RRN3: variants seen among roughly 807,000 people sequenced by gnomAD.
The protein encoded by RRN3 is RNA polymerase I transcription factor RRN3, also known as RNA polymerase I-specific transcription initiation factor RRN3.
Under a neutral mutation model 82.3 loss-of-function variants are expected in RRN3, and 38 were observed. The ratio of observed to expected loss-of-function variants is 0.46; its 90% CI spans 0.36 to 0.61. RRN3 has a LOEUF of 0.61. RRN3 is among the 20% of genes least tolerant of loss of function. RRN3 has a pLI of 0.00. For missense variants in RRN3, 726 were observed against 793.1 expected (o/e 0.92, Z 1.02); for synonymous variants, 284 against 284.3 (o/e 1.00, Z 0.01).
At position 15,076,658 on chromosome 16, in the gene RRN3, A is replaced by G. The variant is rs778571478; in HGVS notation, c.766-8T>C. 1.9e-6 allele frequency: 3 copies of G among 1,561,128 alleles called. No individual in the cohort carries two copies. Among genetic ancestry groups the G allele is most frequent in the African/African-American group, 2.7e-5 (2 of 73,612 alleles). Reference sequence around the variant, plus strand: ...CTGCCGGGATGCATTCACCTATAACAAAGGGAGAAAAAAAAAGAATAAAAG... The same window carrying G: ...CTGCCGGGATGCATTCACCTATAACGAAGGGAGAAAAAAAAAGAATAAAAG... On this transcript the variant is annotated splice_region_variant and splice_polypyrimidine_tract_variant and intron_variant, in intron 9 of 17. Transcript: ENST00000198767.
chr16:15,061,838 C>G lies in RRN3; in HGVS notation c.1862G>C (p.Gly621Ala). ...GEVPQNDTVI[G>A]ITPSSFDTHF... ...CGTGTCAAAGGAGCTTGGTGTGATC[C>G]CAATCACGGTATCATTCTGGGGCAC... Residue 621 changes from glycine (G) to alanine (A), a missense_variant, in exon 18 of 18, where the codon GGG (glycine) becomes GCG (alanine). Around this residue, in one of 4 missense-constraint regions of RRN3, gnomAD observed 166 missense variants for 154.8 expected, o/e 1.07. Transcript: ENST00000198767. 2 of 1,614,092 alleles carry G rather than the reference C, an allele frequency of 1.2e-6. No individual in the cohort carries two copies. Among genetic ancestry groups the G allele is most frequent in the Non-Finnish European group, 1.7e-6 (2 of 1,179,924 alleles).
At position 15,068,169 on chromosome 16, in the gene RRN3, T is replaced by C; in HGVS notation, c.1553A>G (p.Asn518Ser). The C allele has an allele frequency of 6.4e-7, 1 of 1,565,962 alleles. No homozygotes were observed. The highest frequency in any genetic ancestry group is 8.7e-7 in the Non-Finnish European group (1 of 1,152,192). ...CATCAAGAAAGCGTAAATAACTTAC[T>C]TTGTGATTGCAGCAAAAAAGTTAAC... ...SVVNFFAAIT[N>S]KYQLVFCYTI... is the part of the protein sequence containing the mutation. Residue 518 changes from asparagine (N) to serine (S), a missense_variant and splice_region_variant, in exon 15 of 18, where the codon AAT (asparagine) becomes AGT (serine). This residue lies in a region of RRN3 where 81 missense variants were observed against 156.4 expected (regional missense o/e 0.52). Coordinates refer to ENST00000198767, the MANE Select transcript of RRN3 (RefSeq NM_018427.5).
At chr16:15,094,061 T>G in intron 1 of RRN3, 84 bp downstream of exon 1, 1 of 1,244,568 alleles carries the variant, frequency 8.0e-7, no homozygotes, top group Non-Finnish European at 1.2e-6. Flanking sequence ...ATGAGCTTTG[T>G]CCCACATCCT....
Position 15,061,899 on chromosome 16 carries a change from C to G in RRN3, c.1801G>C (p.Val601Leu), listed in dbSNP as rs2044728959. ...EFKKPMKKDIVEDEDDDFLKG... is the reference protein window; with the variant it reads ...EFKKPMKKDILEDEDDDFLKG... ...AGAAAGTCATCATCTTCATCTTCCA[C>G]TATGTCCTGCAGAAACATCAGAAAT... Residue 601 changes from valine to leucine, a missense_variant, in exon 18 of 18, where the codon GTG (valine) becomes CTG (leucine). Around this residue, in one of 4 missense-constraint regions of RRN3, gnomAD observed 166 missense variants for 154.8 expected, o/e 1.07. Coordinates refer to ENST00000198767, the MANE Select transcript of RRN3 (RefSeq NM_018427.5). 6.2e-7 allele frequency: 1 copy of G among 1,611,090 alleles called. No homozygotes were observed. Among genetic ancestry groups the G allele is most frequent in the Non-Finnish European group, 8.5e-7 (1 of 1,177,416 alleles).
chr16:15,075,322 C>T (rs1172454314), intron 10 of RRN3, among the ~76,000 whole-genome samples: 2 of 151,456 alleles, frequency 1.3e-5, no homozygotes, highest in Non-Finnish European at 2.9e-5. Context: ...CTATAATTAC[C>T]AACACTTTGG....
chr16:15,067,027 C>A (rs1264656653), intron 15 of RRN3, among the ~76,000 whole-genome samples: 13 of 148,336 alleles, frequency 8.8e-5, no homozygotes, highest in African/African-American at 3.2e-4. Flanking sequence ...ACTCTTTGAG[C>A]TGCTCACCAT....
intron 4 of RRN3, 23 bp downstream of exon 4, chr16:15,086,342 A>G: frequency 2.5e-6 from 4 of 1,613,156 alleles, no homozygotes; most frequent in Non-Finnish European, 3.4e-6. Context: ...CATACTTTAC[A>G]GTAAAATAAA....
intron 3 of RRN3, among the ~76,000 whole-genome samples, chr16:15,088,491 C>T (rs1011807582): frequency 3.9e-5 from 6 of 152,088 alleles, no homozygotes; most frequent in East Asian, 1.9e-4. Flanking sequence ...GTTCTACTTG[C>T]AACACTCCAC....
chr16:15,088,375 G>A (rs2045990054), intron 3 of RRN3, among the ~76,000 whole-genome samples: 1 of 152,070 alleles, frequency 6.6e-6, no homozygotes, highest in Non-Finnish European at 1.5e-5. Flanking sequence ...CCTGAGGTGG[G>A]AAGATTGCTT....
At position 15,060,955 on chromosome 16, in the gene RRN3, T is replaced by A. The variant is rs1205912626; in HGVS notation, c.*789A>T. On this transcript the variant is annotated 3_prime_UTR_variant, in exon 18 of 18. Coordinates refer to ENST00000198767, the MANE Select transcript of RRN3 (RefSeq NM_018427.5). ...AGCCAAGGGGTCAAATCCAATCTCA[T>A]GTGTTTTACACAAGCCCGAACTCAC... The A allele has an allele frequency of 1.3e-5, 2 of 152,272 alleles. No individual in the cohort carries two copies. The highest frequency in any genetic ancestry group is 2.9e-5 in the Non-Finnish European group (2 of 68,048). The allele number at this position is 152,272 out of a possible 1,614,324, so 9.4% of individuals were successfully genotyped here.
Position 15,061,122 on chromosome 16 carries a change from T to C in RRN3, c.*622A>G, listed in dbSNP as rs2044695278. On this transcript the variant is annotated 3_prime_UTR_variant, in exon 18 of 18. Coordinates refer to ENST00000198767, the MANE Select transcript of RRN3 (RefSeq NM_018427.5). ...TTCCCTATGGGCTTTTATTGGTCTC[T>C]GAAGTCCCTGGAGATCTTCAGTGCC... 1 of 152,264 alleles carries C rather than the reference T, an allele frequency of 6.6e-6. No individual in the cohort carries two copies. 9.4% of individuals were successfully genotyped at this position (152,264 alleles called of 1,614,324 possible).
chr16:15,081,077 CTGAG>C (rs1326304273), intron 8 of RRN3, among the ~76,000 whole-genome samples: 1 of 152,146 alleles, frequency 6.6e-6, no homozygotes, highest in Non-Finnish European at 1.5e-5. Context: ...CTTTTCATTG[CTGAG>C]TAATATTCCA....
chr16:15,087,943 C>T (rs1045549748), intron 3 of RRN3, among the ~76,000 whole-genome samples: 15 of 151,788 alleles, frequency 9.9e-5, no homozygotes, highest in Admixed American at 3.3e-4. Flanking sequence ...GGAGAAACCC[C>T]GTCTCTACTA....
At position 15,063,263 on chromosome 16, in the gene RRN3, G is replaced by T; in HGVS notation, c.1727C>A (p.Pro576His). Reference sequence around the variant, plus strand: ...CATGTCTTCCCACACCTGATAAATAGGATCAATGAATTTCTTTGACCTGTC... The same window carrying T: ...CATGTCTTCCCACACCTGATAAATATGATCAATGAATTTCTTTGACCTGTC... Reference protein sequence around the residue: ...VLKRSKKFIDPIYQVWEDMSA... With the variant: ...VLKRSKKFIDHIYQVWEDMSA... The change falls in exon 17 of 18, where the codon CCT (proline) becomes CAT (histidine). Residue 576 changes from proline (P) to histidine (H), a missense_variant. Physicochemically the swap from Pro to His is moderately conservative, Grantham distance 77. Coordinates refer to ENST00000198767, the MANE Select transcript of RRN3 (RefSeq NM_018427.5). 1 of 1,612,932 alleles carries T rather than the reference G, an allele frequency of 6.2e-7. No individual in the cohort carries two copies. The highest frequency in any genetic ancestry group is 1.7e-4 in the Middle Eastern group (1 of 6,054).
rs577391255 is a variant in RRN3, at chr16:15,080,973, G to A, written c.667-877C>T. On this transcript the variant is annotated intron_variant, in intron 8 of 17. Transcript: ENST00000198767. ...TTAGGGTTCAATCATGTTGTAACAT[G>A]TAAACCATTCCTTTCATATCAATGG... 3.3e-5 allele frequency among the ~76,000 whole-genome samples: 5 copies of A among 152,152 alleles called. No homozygotes were observed. In the East Asian group the frequency reaches 9.6e-4, roughly 29 times the overall value.
chr16:15,067,768 T>C (rs1364367996), intron 15 of RRN3, among the ~76,000 whole-genome samples: 2 of 152,038 alleles, frequency 1.3e-5, no homozygotes, highest in African/African-American at 4.8e-5. Flanking sequence ...TTGTTTTTGT[T>C]TGTTTAAGAG....
At chr16:15,069,530 T>A (rs2045131979) in intron 14 of RRN3, among the ~76,000 whole-genome samples, 1 of 152,176 alleles carries the variant, frequency 6.6e-6, no homozygotes, top group African/African-American at 2.4e-5. Flanking sequence ...AGCAAAACAA[T>A]ACTGGTCAAT....
rs758032831 is a variant in RRN3 at position 15,065,277 on chromosome 16, G to T, written c.1648C>A (p.Gln550Lys). ...IRSTAGGDSVQICTNPLDTFF... is the reference protein window; with the variant it reads ...IRSTAGGDSVKICTNPLDTFF... Reference sequence around the variant, plus strand: ...GTGTCCAGCGGGTTTGTGCAGATCTGCACTGAGTCTCCTCCAGCGGTACTC... The same window carrying T: ...GTGTCCAGCGGGTTTGTGCAGATCTTCACTGAGTCTCCTCCAGCGGTACTC... Residue 550 changes from glutamine (Q) to lysine (K), a missense_variant, in exon 16 of 18, where the codon CAG becomes AAG. Transcript: ENST00000198767. The T allele has an allele frequency of 1.2e-6, 2 of 1,613,888 alleles. No homozygotes were observed. Among genetic ancestry groups the T allele is most frequent in the Non-Finnish European group, 1.7e-6 (2 of 1,179,818 alleles).
At chr16:15,076,142 G>C (rs1479858152) in intron 10 of RRN3, among the ~76,000 whole-genome samples, 1 of 152,050 alleles carries the variant, frequency 6.6e-6, no homozygotes, top group Non-Finnish European at 1.5e-5. Context: ...TCTGTCCCAA[G>C]GGCACCTGAA....
Sources: gnomAD v4.1 joint callset for allele counts (sites outside exome capture counted in the v4.1 genomes callset) on GRCh38, gnomAD v4.1.1 for gene constraint, gnomAD v4.1.1 regional missense constraint, MANE v1.5 for transcripts, NCBI Gene and HGNC (gene_info 2026-07-23, HGNC 2026-07-21) for gene names.